The following RNASEH2B variants were observed in gnomAD, a reference collection of about 807,000 sequenced individuals.
RNASEH2B encodes Aicardi-Goutieres syndrome 2 protein.
A neutral mutation model predicts 45.0 loss-of-function variants in RNASEH2B; 36 were observed. That is an observed-to-expected ratio of 0.80 (90% CI 0.61 to 1.06). RNASEH2B has a LOEUF of 1.06. Among genes scored for constraint, RNASEH2B ranks in the 50% least tolerant of loss-of-function variants. The probability of loss-of-function intolerance (pLI) is 0.00; values close to 1 mark genes in which losing one functional copy is unlikely to be tolerated. For synonymous variants in RNASEH2B, 119 were observed against 125.7 expected (o/e 0.95, Z 0.35); for missense variants, 361 against 360.3 (o/e 1.00, Z -0.02).
intron 1 of RNASEH2B, among the ~76,000 whole-genome samples, chr13:50,913,675 T>G (rs1879563281): frequency 6.6e-6 from 1 of 152,222 alleles, no homozygotes; most frequent in Admixed American, 6.5e-5. Flanking sequence ...CTTTATTTCA[T>G]GAATATACAT....
intron 3 of RNASEH2B, chr13:50,930,079 G>C (rs1951657193): frequency 4.7e-6 from 1 of 214,368 alleles, no homozygotes; most frequent in East Asian, 1.2e-4. Flanking sequence ...TGTTTCTTGT[G>C]GTGTTCCCTT....
chr13:50,929,567 C>T lies in RNASEH2B; in HGVS notation c.229C>T (p.Gln77Ter), dbSNP rs1268346095. The T allele has an allele frequency of 6.3e-7, 1 of 1,591,880 alleles. No individual in the cohort carries two copies. The highest frequency in any genetic ancestry group is 8.6e-7 in the Non-Finnish European group (1 of 1,159,840). Residue 77 changes from glutamine to a stop codon, truncating the protein, a stop_gained, in exon 3 of 11, where the codon CAA becomes TAA. Coordinates refer to ENST00000336617, the MANE Select transcript of RNASEH2B (RefSeq NM_024570.4). LOFTEE classifies it high-confidence loss of function. ...KEKHHSWFIN[Q>*]SVQSGGLLHF... ...AAAACACCATTCTTGGTTTATAAAT[C>T]AATCAGTTCAATCAGGTAGGTGACT...
chr13:50,932,463 T>C (rs949998671), intron 4 of RNASEH2B, among the ~76,000 whole-genome samples: 2 of 152,230 alleles, frequency 1.3e-5, no homozygotes, highest in African/African-American at 4.8e-5. Flanking sequence ...AAACTGCACA[T>C]AAATGGCGGT....
At chr13:50,921,727 A>G (rs990394622) in intron 1 of RNASEH2B, among the ~76,000 whole-genome samples, 1 of 152,224 alleles carries the variant, frequency 6.6e-6, no homozygotes, top group Non-Finnish European at 1.5e-5. Context: ...AAAAGCAATG[A>G]AAACACTAGC....
downstream of RNASEH2B, among the ~76,000 whole-genome samples, chr13:50,961,539 C>T (rs1490520622): frequency 1.3e-5 from 2 of 152,146 alleles, no homozygotes; most frequent in Non-Finnish European, 2.9e-5. Flanking sequence ...TTCTTTAATA[C>T]ATTCCTGCTT....
chr13:50,926,971 A>G (rs1469775841), intron 1 of RNASEH2B, among the ~76,000 whole-genome samples: 1 of 152,214 alleles, frequency 6.6e-6, no homozygotes, highest in Non-Finnish European at 1.5e-5. Flanking sequence ...TCATAATAAT[A>G]GCTATCATTT....
At position 50,909,794 on chromosome 13, in the gene RNASEH2B, A is replaced by C; in HGVS notation, c.-283A>C. 2.9e-6 allele frequency: 1 copy of C among 344,014 alleles called. No homozygotes were observed. The highest frequency in any genetic ancestry group is 4.8e-5 in the South Asian group (1 of 20,790). The allele number at this position is 344,014 out of a possible 1,614,324, so 21.3% of individuals were successfully genotyped here. On this transcript the variant is annotated 5_prime_UTR_variant, in exon 1 of 11. Transcript: ENST00000336617. ...CGGCGCGCGATGAGCACCTACCACT[A>C]GCGGAGCCGCGAGGGAGAGGCCGCG...
chr13:50,927,290 T>C (rs1199982354), intron 1 of RNASEH2B, 117 bp from the exon 2 acceptor site: 12 of 690,378 alleles, frequency 1.7e-5, no homozygotes, highest in African/African-American at 3.6e-5. Context: ...AAGTGATAAA[T>C]TGAGTTAAAA....
chr13:50,938,219 C>T (rs1951783756), intron 5 of RNASEH2B: 1 of 152,002 alleles, frequency 6.6e-6, no homozygotes, highest in Non-Finnish European at 1.5e-5. Flanking sequence ...ACAATATGTT[C>T]AAGACCAATA....
At chr13:50,946,402 C>T (rs767128148) in intron 7 of RNASEH2B, among the ~76,000 whole-genome samples, 9 of 152,202 alleles carry the variant, frequency 5.9e-5, no homozygotes, top group African/African-American at 9.7e-5. Flanking sequence ...TTGCAGGAAT[C>T]TACCTTGCAT....
chr13:50,938,332 A>G (rs1951785057), intron 5 of RNASEH2B: 1 of 152,178 alleles, frequency 6.6e-6, no homozygotes, highest in South Asian at 2.1e-4. Flanking sequence ...TTTTTAAGGT[A>G]TCTATTTTCC....
intron 1 of RNASEH2B, among the ~76,000 whole-genome samples, chr13:50,924,658 A>G (rs1951569068): frequency 6.6e-6 from 1 of 152,210 alleles, no homozygotes; most frequent in South Asian, 2.1e-4. Context: ...TCCTGGGCTC[A>G]AGTGATCCTC....
chr13:50,970,147 C>T, exon 10 of RNASEH2B: 1 of 674,230 alleles, frequency 1.5e-6, no homozygotes. Context: ...TGGGCAGCGG[C>T]ATTCCTCCCT....
In RNASEH2B at chr13:50,963,738, C is replaced by T. The variant is rs975280099; in HGVS notation, c.742-6194C>T. ...GAGTTTAGATATGATGTTCACCCAGCTTCCCTCAGTATTAGCATACATGAC... is the reference window on the plus strand; with the variant it reads ...GAGTTTAGATATGATGTTCACCCAGTTTCCCTCAGTATTAGCATACATGAC... On this transcript the variant is annotated intron_variant, in intron 9 of 9. Transcript: ENST00000422660. Among the ~76,000 whole-genome samples, 5 of 152,154 alleles carry T rather than the reference C, an allele frequency of 3.3e-5. No homozygotes were observed. In the East Asian group the frequency reaches 7.7e-4, roughly 23 times the overall value.
At position 50,929,670 on chromosome 13, in the gene RNASEH2B, G is replaced by T. The variant is rs1427031780; in HGVS notation, c.244+88G>T. 3.6e-6 allele frequency: 3 copies of T among 835,636 alleles called. No individual in the cohort carries two copies. In the East Asian group the frequency reaches 7.9e-5, roughly 22 times the overall value. 51.8% of individuals were successfully genotyped at this position (835,636 alleles called of 1,614,324 possible). On this transcript the variant is annotated intron_variant, in intron 3 of 10. Coordinates refer to ENST00000336617, the MANE Select transcript of RNASEH2B (RefSeq NM_024570.4). ...CACGTGGGGTTGTGGGTCTGTCACC[G>T]GGTTTGGAGTCTGGTCACTGGTTTA...
rs572593049 is a variant in RNASEH2B at position 50,926,624 on chromosome 13, T to C, written c.65-783T>C. 2.0e-5 allele frequency among the ~76,000 whole-genome samples: 3 copies of C among 152,258 alleles called. No individual in the cohort carries two copies. The East Asian group carries it at 5.8e-4, about 29-fold the overall frequency. On this transcript the variant is annotated intron_variant, in intron 1 of 10. Transcript: ENST00000336617. ...AGATATAGTCCAGATAGGTTAAAAA[T>C]ATAATTTCTAAATATTAAATGAAAA...
intron 8 of RNASEH2B, 84 bp downstream of exon 8, chr13:50,948,152 A>G (rs956756375): frequency 1.9e-6 from 3 of 1,584,890 alleles, no homozygotes; most frequent in Non-Finnish European, 2.6e-6. Context: ...ATGGCTTATC[A>G]TATCACTGTT....
chr13:50,967,016 T>G (rs1566094915), intron 9 of RNASEH2B, among the ~76,000 whole-genome samples: 2 of 152,268 alleles, frequency 1.3e-5, no homozygotes. Flanking sequence ...GCCTTAATTC[T>G]GTGAGCCATG....
At chr13:50,933,564 A>G (rs1401557112) in intron 4 of RNASEH2B, among the ~76,000 whole-genome samples, 1 of 152,164 alleles carries the variant, frequency 6.6e-6, no homozygotes, top group Non-Finnish European at 1.5e-5. Context: ...GTTCTTTTAA[A>G]CTTTATTTTA....
Sources: gnomAD v4.1 joint callset for allele counts (sites outside exome capture counted in the v4.1 genomes callset) on GRCh38, gnomAD v4.1.1 for gene constraint, MANE v1.5 for transcripts, NCBI Gene and HGNC (gene_info 2026-07-23, HGNC 2026-07-21) for gene names.